Variants in GLDC observed in about 807,000 individuals in gnomAD.
The protein encoded by GLDC is glycine decarboxylase, also known as glycine dehydrogenase (decarboxylating), mitochondrial.
A neutral mutation model predicts 121.3 loss-of-function variants in GLDC; 104 were observed. The ratio of observed to expected loss-of-function variants is 0.86; its 90% CI spans 0.73 to 1.01. GLDC has a LOEUF of 1.01. Ranked by LOEUF, GLDC falls within the 50% of genes least tolerant of loss-of-function variation. GLDC has a pLI of 0.00. For missense variants in GLDC, 1,429 were observed against 1,306.6 expected (o/e 1.09, Z -1.44); for synonymous variants, 546 against 480.6 (o/e 1.14, Z -1.78).
At chr9:6,640,256 G>C (rs1226140532) in intron 2 of GLDC, among the ~76,000 whole-genome samples, 2 of 152,218 alleles carry the variant, frequency 1.3e-5, no homozygotes, top group East Asian at 3.8e-4. Flanking sequence ...TCATCCTAAA[G>C]AAGAAATAAT....
At chr9:6,572,484 G>C (rs1319489154) in intron 15 of GLDC, among the ~76,000 whole-genome samples, 1 of 152,132 alleles carries the variant, frequency 6.6e-6, no homozygotes, top group African/African-American at 2.4e-5. Context: ...TTTTGTGTGA[G>C]TCTATGGGAG....
chr9:6,614,734 A>G (rs1240672727), intron 3 of GLDC, among the ~76,000 whole-genome samples: 2 of 152,130 alleles, frequency 1.3e-5, no homozygotes, highest in East Asian at 1.9e-4. Flanking sequence ...TAACAGAAAT[A>G]TGCTCTGAGA....
rs139239166 is a variant in GLDC, at chr9:6,623,694, C to A, written c.335-3375G>T. Among the ~76,000 whole-genome samples, 38 of 152,262 alleles carry A rather than the reference C, an allele frequency of 2.5e-4. No homozygotes were observed. In the East Asian group the frequency reaches 7.1e-3, roughly 29 times the overall value. Reference sequence around the variant, plus strand: ...AAGAGAGTCTTGAAGTTATTAGTTTCATGAGTAATATAATCTAACTACCTT... The same window carrying A: ...AAGAGAGTCTTGAAGTTATTAGTTTAATGAGTAATATAATCTAACTACCTT... On this transcript the variant is annotated intron_variant, in intron 2 of 24. Coordinates refer to ENST00000321612, the MANE Select transcript of GLDC (RefSeq NM_000170.3).
chr9:6,537,752 C>G (rs1817164335), intron 22 of GLDC, among the ~76,000 whole-genome samples: 1 of 152,050 alleles, frequency 6.6e-6, no homozygotes, highest in Non-Finnish European at 1.5e-5. Context: ...TGCACTCCAG[C>G]CTGGGTGACA....
chr9:6,587,399 G>A (rs1478505987), intron 14 of GLDC, 116 bp from the exon 15 acceptor site: 38 of 766,396 alleles, frequency 5.0e-5, no homozygotes, highest in Non-Finnish European at 7.8e-5. Context: ...TGTTCTAAGC[G>A]CTATACATAT....
At chr9:6,621,296 C>G (rs890836849) in intron 2 of GLDC, among the ~76,000 whole-genome samples, 3 of 152,296 alleles carry the variant, frequency 2.0e-5, no homozygotes, top group Admixed American at 6.5e-5. Flanking sequence ...TCGGGTCATT[C>G]ATATAATCAC....
At chr9:6,550,657 G>C (rs904523798) in intron 21 of GLDC, 146 bp downstream of exon 21, 1 of 695,478 alleles carries the variant, frequency 1.4e-6, no homozygotes. Context: ...AAATAAACCC[G>C]AGTTATTTCC....
rs1298606982 is a variant in GLDC, at chr9:6,592,788, C to G, written c.1401+63G>C. 2.0e-6 allele frequency: 3 copies of G among 1,480,180 alleles called. No individual in the cohort carries two copies. The African/African-American group carries it at 4.2e-5, about 21-fold the overall frequency. 91.7% of individuals were successfully genotyped at this position (1,480,180 alleles called of 1,614,324 possible). ...TATTTTTTAAAAACAAAGAGAAAACCTTTTAATGAGAAACAATGTGAAAAT... is the reference window on the plus strand; with the variant it reads ...TATTTTTTAAAAACAAAGAGAAAACGTTTTAATGAGAAACAATGTGAAAAT... On this transcript the variant is annotated intron_variant, in intron 10 of 24. Coordinates refer to ENST00000321612, the MANE Select transcript of GLDC (RefSeq NM_000170.3).
intron 16 of GLDC, among the ~76,000 whole-genome samples, chr9:6,559,756 A>C (rs1587927747): frequency 6.8e-6 from 1 of 145,986 alleles, no homozygotes; most frequent in Non-Finnish European, 1.5e-5. Context: ...TGGAGGTTGC[A>C]GCGAGCCGAG....
intron 20 of GLDC, among the ~76,000 whole-genome samples, chr9:6,551,731 G>A (rs1817518976): frequency 6.6e-6 from 1 of 152,124 alleles, no homozygotes; most frequent in Middle Eastern, 3.4e-3. Context: ...AGAGAAAGGA[G>A]AAGGTATACC....
chr9:6,611,442 G>C (rs1818852801), intron 3 of GLDC, among the ~76,000 whole-genome samples: 1 of 152,134 alleles, frequency 6.6e-6, no homozygotes, highest in Admixed American at 6.5e-5. Flanking sequence ...TGTAGTCCCA[G>C]CTACTCAGGA....
At chr9:6,537,071 C>G (rs1275469065) in intron 22 of GLDC, among the ~76,000 whole-genome samples, 2 of 148,514 alleles carry the variant, frequency 1.3e-5, no homozygotes, top group African/African-American at 5.0e-5. Context: ...TGCTGTATCG[C>G]TCAGGTTAGA....
intron 18 of GLDC, 74 bp from the exon 19 acceptor site, chr9:6,554,855 G>T: frequency 9.6e-7 from 1 of 1,038,048 alleles, no homozygotes; most frequent in East Asian, 2.6e-5. Context: ...GCCATGGCTG[G>T]CCGGTGCTGC....
chr9:6,642,826 C>T (rs1300872743), intron 2 of GLDC, among the ~76,000 whole-genome samples: 1 of 152,124 alleles, frequency 6.6e-6, no homozygotes, highest in African/African-American at 2.4e-5. Context: ...ACCTAAAATA[C>T]CCTGCTTTAA....
chr9:6,637,917 C>A (rs1028778757), intron 2 of GLDC, among the ~76,000 whole-genome samples: 5 of 150,776 alleles, frequency 3.3e-5, no homozygotes, highest in Non-Finnish European at 7.4e-5. Flanking sequence ...TTGAACTACT[C>A]GGCTCAAGCA....
At chr9:6,550,075 C>G (rs1268164409) in intron 21 of GLDC, among the ~76,000 whole-genome samples, 1 of 152,180 alleles carries the variant, frequency 6.6e-6, no homozygotes, top group Non-Finnish European at 1.5e-5. Flanking sequence ...CTTACTCAGG[C>G]TCTCATCGGC....
Position 6,563,811 on chromosome 9 carries a change from C to T in GLDC, c.1926+1543G>A, listed in dbSNP as rs1019178573. Among the ~76,000 whole-genome samples the T allele has an allele frequency of 2.0e-5, 3 of 152,092 alleles. No individual in the cohort carries two copies. In the South Asian group the frequency reaches 6.2e-4, roughly 32 times the overall value. ...AGGGTTTAATCATTTATTCAATTCA[C>T]GAATGGCCTGTTTTTCAAAGATCTT... On this transcript the variant is annotated intron_variant, in intron 16 of 24. Coordinates refer to ENST00000321612, the MANE Select transcript of GLDC (RefSeq NM_000170.3).
intron 20 of GLDC, among the ~76,000 whole-genome samples, chr9:6,552,453 A>G (rs1007758180): frequency 6.6e-6 from 1 of 152,216 alleles, no homozygotes; most frequent in Non-Finnish European, 1.5e-5. Context: ...GTTGTTTGCA[A>G]AACAACTTGA....
intron 17 of GLDC, among the ~76,000 whole-genome samples, chr9:6,556,543 G>A (rs959550246): frequency 6.6e-5 from 10 of 152,090 alleles, no homozygotes; most frequent in African/African-American, 1.4e-4. Context: ...CCGTAATCCC[G>A]GCACTCTGGG....
Sources: allele counts gnomAD v4.1 joint callset (sites outside exome capture counted in the v4.1 genomes callset), GRCh38; gene constraint gnomAD v4.1.1; transcripts MANE v1.5; gene names NCBI Gene and HGNC (gene_info 2026-07-23, HGNC 2026-07-21).